Variants in ADGRL2 observed in about 807,000 individuals in gnomAD.
ADGRL2 encodes adhesion G protein-coupled receptor L2, also known as calcium-independent alpha-latrotoxin receptor 2.
Under a neutral mutation model 157.4 loss-of-function variants are expected in ADGRL2, and 44 were observed. The ratio of observed to expected loss-of-function variants is 0.28; its 90% CI spans 0.22 to 0.36. The LOEUF is 0.36. Ranked by LOEUF, ADGRL2 falls within the 10% of genes least tolerant of loss-of-function variation. The pLI is 1.00. For missense variants in ADGRL2, 1,510 were observed against 1,768.9 expected (o/e 0.85, Z 2.63); for synonymous variants, 585 against 624.7 (o/e 0.94, Z 0.95).
chr1:81,769,554 C>T (rs61775265), intron 2 of ADGRL2, among the ~76,000 whole-genome samples: 21,593 of 151,514 alleles, frequency 0.14, 1,812 homozygotes, highest in South Asian at 0.21. Context: ...TTTGTCTATC[C>T]CTTTACCAAT....
intron 5 of ADGRL2, among the ~76,000 whole-genome samples, chr1:81,942,441 T>C (rs1215824780): frequency 6.6e-6 from 1 of 151,898 alleles, no homozygotes; most frequent in African/African-American, 2.4e-5. Context: ...TGCTCCTAAT[T>C]GCATTTTCCA....
intron 1 of ADGRL2, among the ~76,000 whole-genome samples, chr1:81,389,253 G>A (rs1329425669): frequency 6.6e-6 from 1 of 152,052 alleles, no homozygotes; most frequent in Non-Finnish European, 1.5e-5. Flanking sequence ...TAAAAAGAGA[G>A]GTCCTGTAAA....
At chr1:81,503,338 C>T (rs963851502) in intron 2 of ADGRL2, 13 of 1,613,996 alleles carry the variant, frequency 8.1e-6, no homozygotes, top group Middle Eastern at 1.6e-4. Context: ...TGTGGTCCAC[C>T]TCATCACGGG....
chr1:81,596,700 T>A (rs1361131320), intron 3 of ADGRL2, among the ~76,000 whole-genome samples: 1 of 152,160 alleles, frequency 6.6e-6, no homozygotes, highest in Non-Finnish European at 1.5e-5. Flanking sequence ...TTGGACAGTT[T>A]TCTGAGTGAG....
At chr1:81,306,367 T>A (rs1659338541) in exon 1 of ADGRL2, 1 of 152,202 alleles carries the variant, frequency 6.6e-6, no homozygotes, top group Non-Finnish European at 1.5e-5. Context: ...CAGCCGCTCC[T>A]CCCATTATAT....
Position 81,936,763 on chromosome 1 carries a change from G to T in ADGRL2, c.323G>T (p.Gly108Val), listed in dbSNP as rs767308892. The T allele has an allele frequency of 3.7e-6, 6 of 1,611,160 alleles. No homozygotes were observed. The East Asian group carries it at 1.3e-4, about 36-fold the overall frequency. ...CGAACACAGTGTATAGTAGTTACTGGGTCAGATGTGTTTCCTGATCCATGT... is the reference window on the plus strand; with the variant it reads ...CGAACACAGTGTATAGTAGTTACTGTGTCAGATGTGTTTCCTGATCCATGT... ...NNRTQCIVVT[G>V]SDVFPDPCPG... Residue 108 changes from glycine to valine, a missense_variant, in exon 4 of 24, where the codon GGG (glycine) becomes GTG (valine). Transcript: ENST00000686636.
At position 81,914,945 on chromosome 1, in the gene ADGRL2, A is replaced by G. The variant is rs544150462; in HGVS notation, c.287+7715A>G. Among the ~76,000 whole-genome samples, 3 of 152,360 alleles carry G rather than the reference A, an allele frequency of 2.0e-5. No homozygotes were observed. The South Asian group carries it at 6.2e-4, about 32-fold the overall frequency. ...GTTGGCAGTAATAAACATGAAACTT[A>G]TTAAACATTCACATTTAGTGTGCAA... On this transcript the variant is annotated intron_variant, in intron 3 of 23. Transcript: ENST00000686636.
chr1:81,524,098 C>G (rs1410198319), intron 2 of ADGRL2, among the ~76,000 whole-genome samples: 1 of 147,256 alleles, frequency 6.8e-6, no homozygotes, highest in South Asian at 2.2e-4. Flanking sequence ...CAGTGGCTCA[C>G]GCCTGTAATC....
chr1:81,949,223 C>G (rs770108975), intron 6 of ADGRL2, among the ~76,000 whole-genome samples: 5 of 152,054 alleles, frequency 3.3e-5, no homozygotes, highest in Non-Finnish European at 5.9e-5. Flanking sequence ...TGATTTCCTC[C>G]AACAGTTTTT....
At chr1:81,312,763 T>A (rs1659845557) in intron 1 of ADGRL2, among the ~76,000 whole-genome samples, 1 of 152,216 alleles carries the variant, frequency 6.6e-6, no homozygotes, top group Non-Finnish European at 1.5e-5. Context: ...TACAGGTGAC[T>A]GTGGATATGT....
Position 81,810,685 on chromosome 1 carries a change from AT to A in ADGRL2, c.-101+9626del, listed in dbSNP as rs887917827. On this transcript the variant is annotated intron_variant, in intron 1 of 23. Transcript: ENST00000686636. ...TGTATTTTTGTCCTAGTAATTGTAC[AT>A]TTTTTTTTAGTTTGATGAAGGCTTA... Among the ~76,000 whole-genome samples, 512 of 150,914 alleles carry A rather than the reference AT, an allele frequency of 3.4e-3. 6 individuals are homozygous for A. Among genetic ancestry groups the A allele is most frequent in the African/African-American group, 0.012 (476 of 41,266 alleles).
intron 3 of ADGRL2, among the ~76,000 whole-genome samples, chr1:81,933,414 G>A (rs1332714090): frequency 6.6e-6 from 1 of 152,134 alleles, no homozygotes; most frequent in African/African-American, 2.4e-5. Context: ...TTCTTCTGTA[G>A]AGGAAGGGAG....
intron 1 of ADGRL2, among the ~76,000 whole-genome samples, chr1:81,442,450 G>C (rs564275011): frequency 7.3e-4 from 111 of 152,242 alleles, no homozygotes; most frequent in Non-Finnish European, 1.3e-3. Flanking sequence ...ATGAAATAAA[G>C]AAATTGGCAA....
At chr1:81,368,773 G>A (rs2076110733) in intron 1 of ADGRL2, among the ~76,000 whole-genome samples, 1 of 152,004 alleles carries the variant, frequency 6.6e-6, no homozygotes, top group African/African-American at 2.4e-5. Context: ...CTACCTCTGT[G>A]CCCACACTTC....
intron 1 of ADGRL2, among the ~76,000 whole-genome samples, chr1:81,420,080 T>C (rs1409364275): frequency 6.6e-6 from 1 of 151,930 alleles, no homozygotes; most frequent in Non-Finnish European, 1.5e-5. Flanking sequence ...AAAAGGAAAA[T>C]CAGAAAAAAA....
intron 2 of ADGRL2, chr1:81,557,456 A>AAAG (rs2080316349): frequency 3.8e-5 from 2 of 52,388 alleles, no homozygotes. Flanking sequence ...AGAGAGAAAG[A>AAAG]AAGAAAGAAA....
At chr1:81,328,862 C>T (rs1035079385) in intron 1 of ADGRL2, among the ~76,000 whole-genome samples, 9 of 151,708 alleles carry the variant, frequency 5.9e-5, no homozygotes, top group South Asian at 2.1e-4. Flanking sequence ...GGCACAGAAG[C>T]GCTTAATTAT....
chr1:81,337,967 T>C (rs938813450), intron 1 of ADGRL2, among the ~76,000 whole-genome samples: 1 of 152,200 alleles, frequency 6.6e-6, no homozygotes, highest in African/African-American at 2.4e-5. Context: ...TTCCCATTTT[T>C]TCCAATAACC....
chr1:81,430,018 C>T (rs1230605416), intron 1 of ADGRL2, among the ~76,000 whole-genome samples: 8 of 152,226 alleles, frequency 5.3e-5, no homozygotes, highest in African/African-American at 1.2e-4. Flanking sequence ...CTCAGCCTCC[C>T]GAGTAGCTGG....
Sources: allele counts gnomAD v4.1 joint callset (sites outside exome capture counted in the v4.1 genomes callset), GRCh38; gene constraint gnomAD v4.1.1; transcripts MANE v1.5; gene names NCBI Gene and HGNC (gene_info 2026-07-23, HGNC 2026-07-21).